Variants in DHRSX observed in about 807,000 individuals in gnomAD.
DHRSX encodes dehydrogenase/reductase X-linked, also known as polyprenol dehydrogenase.
A neutral mutation model predicts 34.0 loss-of-function variants in DHRSX; 31 were observed. That is an observed-to-expected ratio of 0.91 (90% CI 0.69 to 1.23). DHRSX has a LOEUF of 1.23. Among genes scored for constraint, DHRSX ranks in the 50% most tolerant of loss-of-function variants. The pLI is 0.00. For missense variants in DHRSX, 414 were observed against 428.1 expected, an observed-to-expected ratio of 0.97 and a Z score of 0.29; for synonymous variants, 201 against 183.8, an observed-to-expected ratio of 1.09 and a Z score of -0.76.
chrX:2,327,973 G>A (rs1335888123), intron 3 of DHRSX, among the ~76,000 whole-genome samples: 3 of 151,622 alleles, frequency 2.0e-5, no homozygotes, highest in Admixed American at 6.6e-5. Context: ...CCAGCTACTT[G>A]GGAGGCTGAG....
At chrX:2,284,219 T>C (rs1017199295) in intron 4 of DHRSX, among the ~76,000 whole-genome samples, 40 of 152,256 alleles carry the variant, frequency 2.6e-4, no homozygotes, top group African/African-American at 9.6e-4. Context: ...AATTCATTCG[T>C]TCCTTTGAAT....
At chrX:2,272,151 A>T (rs2124469652) in intron 4 of DHRSX, among the ~76,000 whole-genome samples, 1 of 152,314 alleles carries the variant, frequency 6.6e-6, no homozygotes, top group African/African-American at 2.4e-5. Flanking sequence ...AAAACCAACA[A>T]CAAAAAAACA....
chrX:2,253,087 G>A (rs1471389946), intron 5 of DHRSX, among the ~76,000 whole-genome samples: 1 of 152,284 alleles, frequency 6.6e-6, no homozygotes, highest in Non-Finnish European at 1.5e-5. Flanking sequence ...TTGTGAGGCT[G>A]AGGTGGGAGC....
intron 5 of DHRSX, among the ~76,000 whole-genome samples, chrX:2,263,590 C>T (rs907436858): frequency 6.6e-6 from 1 of 150,934 alleles, no homozygotes; most frequent in Non-Finnish European, 1.5e-5. Flanking sequence ...CTTGGCTCAC[C>T]ACAACCTCCG....
intron 1 of DHRSX, among the ~76,000 whole-genome samples, chrX:2,442,818 A>G (rs1319925933): frequency 6.6e-6 from 1 of 152,102 alleles, no homozygotes; most frequent in Admixed American, 6.6e-5. Flanking sequence ...GTACAAACTG[A>G]AGGGTTCTGT....
chrX:2,433,139 A>C (rs2043948634), intron 1 of DHRSX, among the ~76,000 whole-genome samples: 1 of 152,138 alleles, frequency 6.6e-6, no homozygotes, highest in South Asian at 2.1e-4. Context: ...CATGGTAAAA[A>C]ACAAAACAAA....
chrX:2,315,622 C>T (rs1242484981), intron 3 of DHRSX, among the ~76,000 whole-genome samples: 2 of 152,126 alleles, frequency 1.3e-5, no homozygotes, highest in Admixed American at 1.3e-4. Flanking sequence ...GCTAGCTCTG[C>T]TGCGTAACAA....
At chrX:2,436,312 A>G (rs1488853821) in intron 1 of DHRSX, among the ~76,000 whole-genome samples, 2 of 151,838 alleles carry the variant, frequency 1.3e-5, no homozygotes, top group Admixed American at 1.3e-4. Context: ...TGGTCCCTTC[A>G]TCTAACACTG....
chrX:2,264,762 C>T (rs933489980), intron 5 of DHRSX, among the ~76,000 whole-genome samples: 2 of 151,948 alleles, frequency 1.3e-5, no homozygotes, highest in Admixed American at 6.6e-5. Flanking sequence ...AGTACCGTGC[C>T]CAGAGCACCT....
intron 5 of DHRSX, among the ~76,000 whole-genome samples, chrX:2,248,346 T>C (rs2016346443): frequency 6.7e-6 from 1 of 149,508 alleles, no homozygotes; most frequent in African/African-American, 2.5e-5. Context: ...GGCAGGAGAA[T>C]GGTGTGAACC....
chrX:2,310,569 AGAGAGAGAGG>A (rs1315840783), intron 3 of DHRSX, among the ~76,000 whole-genome samples: 3 of 143,974 alleles, frequency 2.1e-5, no homozygotes, highest in African/African-American at 8.6e-5. Flanking sequence ...TGTGAGAGAG[AGAGAGAGAGG>A]GAGAGAGAGA....
At chrX:2,475,875 C>G (rs1017707993) in intron 1 of DHRSX, among the ~76,000 whole-genome samples, 16 of 152,160 alleles carry the variant, frequency 1.1e-4, no homozygotes, top group African/African-American at 3.4e-4. Context: ...GCTAGGAGAG[C>G]CACGGAAAGA....
At chrX:2,289,623 G>A (rs909415756) in intron 4 of DHRSX, among the ~76,000 whole-genome samples, 5 of 152,326 alleles carry the variant, frequency 3.3e-5, no homozygotes, top group Admixed American at 1.3e-4. Context: ...TACACAGAAC[G>A]AGGAAATGAG....
At chrX:2,345,297 A>G (rs1486625071) in intron 3 of DHRSX, among the ~76,000 whole-genome samples, 2 of 152,000 alleles carry the variant, frequency 1.3e-5, no homozygotes, top group Admixed American at 6.6e-5. Context: ...GGAGACTTTG[A>G]GTAAAGGAAT....
intron 3 of DHRSX, among the ~76,000 whole-genome samples, chrX:2,299,014 ATGGG>A (rs2041980232): frequency 4.6e-5 from 6 of 131,566 alleles, no homozygotes; most frequent in African/African-American, 6.2e-5. Context: ...AAAAAAAAAA[ATGGG>A]AAAAATGTGG....
At chrX:2,463,425 G>A (rs2124687512) in intron 1 of DHRSX, among the ~76,000 whole-genome samples, 1 of 151,776 alleles carries the variant, frequency 6.6e-6, no homozygotes, top group African/African-American at 2.4e-5. Context: ...ACCTTCTAAG[G>A]TTGCTCTCCT....
chrX:2,455,760 A>ATAAAT (rs1274023362), intron 1 of DHRSX, among the ~76,000 whole-genome samples: 2 of 151,420 alleles, frequency 1.3e-5, no homozygotes, highest in African/African-American at 2.4e-5. Flanking sequence ...AAAAAAAAAA[A>ATAAAT]ACAATAAAAA....
chrX:2,303,173 T>C (rs1169755696), intron 3 of DHRSX, among the ~76,000 whole-genome samples: 2 of 152,190 alleles, frequency 1.3e-5, no homozygotes, highest in Non-Finnish European at 2.9e-5. Context: ...TTCTTGCTCC[T>C]TGAGAAAAAA....
intron 5 of DHRSX, among the ~76,000 whole-genome samples, chrX:2,260,645 G>A: frequency 6.6e-6 from 1 of 151,968 alleles, no homozygotes; most frequent in East Asian, 1.9e-4. Flanking sequence ...ATTTTTAGTA[G>A]AGACAGGGTT....
Sources: allele counts gnomAD v4.1 joint callset (sites outside exome capture counted in the v4.1 genomes callset), GRCh38; gene constraint gnomAD v4.1.1; transcripts MANE v1.5; gene names NCBI Gene and HGNC (gene_info 2026-07-23, HGNC 2026-07-21).